Variants in PTPRD observed in about 807,000 individuals in gnomAD.
PTPRD encodes protein tyrosine phosphatase receptor type D.
Under a neutral mutation model 214.5 loss-of-function variants are expected in PTPRD, and 34 were observed. The observed-to-expected ratio is 0.16, with a 90% CI of 0.12 to 0.21. The LOEUF (loss-of-function observed/expected upper bound fraction) is 0.21, where lower values mean the gene tolerates loss of function less well. Among genes scored for constraint, PTPRD ranks in the 10% least tolerant of loss-of-function variants. The probability of loss-of-function intolerance (pLI) is 1.00; values close to 1 mark genes in which losing one functional copy is unlikely to be tolerated. For missense variants in PTPRD, 2,545 were observed against 2,398.7 expected, an observed-to-expected ratio of 1.06 and a Z score of -1.27; for synonymous variants, 1,128 against 845.7, an observed-to-expected ratio of 1.33 and a Z score of -5.79.
intron 9 of PTPRD, among the ~76,000 whole-genome samples, chr9:9,301,116 C>G (rs12380457): frequency 0.13 from 20,302 of 151,678 alleles, 1,737 homozygotes; most frequent in Non-Finnish European, 0.19. Flanking sequence ...GATTAATTAA[C>G]CTTTTATTAT....
intron 9 of PTPRD, among the ~76,000 whole-genome samples, chr9:9,204,789 T>C (rs1340382230): frequency 6.6e-6 from 1 of 152,204 alleles, no homozygotes; most frequent in Non-Finnish European, 1.5e-5. Context: ...GCTAATATTA[T>C]ATTGTATATT....
At chr9:9,824,365 T>C (rs1052035141) in intron 5 of PTPRD, among the ~76,000 whole-genome samples, 10 of 152,038 alleles carry the variant, frequency 6.6e-5, no homozygotes, top group African/African-American at 1.9e-4. Context: ...GAATTTGACA[T>C]AGCACAGTAT....
intron 7 of PTPRD, among the ~76,000 whole-genome samples, chr9:9,675,188 G>C (rs1347289249): frequency 6.6e-6 from 1 of 151,890 alleles, no homozygotes; most frequent in East Asian, 1.9e-4. Flanking sequence ...ATACTCCAAA[G>C]TATCTCATGT....
chr9:9,441,635 A>G (rs1240774064), intron 8 of PTPRD, among the ~76,000 whole-genome samples: 2 of 152,200 alleles, frequency 1.3e-5, no homozygotes, highest in Non-Finnish European at 2.9e-5. Flanking sequence ...CAGGCTATCA[A>G]TATAACATGT....
chr9:9,398,343 T>A (rs996749379), intron 8 of PTPRD, among the ~76,000 whole-genome samples: 1 of 152,130 alleles, frequency 6.6e-6, no homozygotes. Context: ...CATATTGGTG[T>A]TTATGCCTTA....
At chr9:9,354,921 A>C (rs1353626316) in intron 9 of PTPRD, among the ~76,000 whole-genome samples, 3 of 151,116 alleles carry the variant, frequency 2.0e-5, no homozygotes, top group Admixed American at 6.6e-5. Context: ...TGGCATTTTC[A>C]ATGAATAGCA....
intron 2 of PTPRD, among the ~76,000 whole-genome samples, chr9:10,405,386 G>C (rs1013050965): frequency 2.6e-5 from 4 of 151,548 alleles, no homozygotes; most frequent in African/African-American, 4.8e-5. Context: ...CTGTTAACAA[G>C]AAAAGTAAAC....
chr9:8,485,523 A>ATCC (rs2096981741), intron 28 of PTPRD, 199 bp from the exon 29 acceptor site: 1 of 620,438 alleles, frequency 1.6e-6, no homozygotes, highest in Non-Finnish European at 2.8e-6. Context: ...CAATTCAGCC[A>ATCC]ACTCTATTGT....
chr9:9,144,855 A>G (rs1186478364), intron 10 of PTPRD, among the ~76,000 whole-genome samples: 3 of 152,218 alleles, frequency 2.0e-5, no homozygotes, highest in Non-Finnish European at 4.4e-5. Context: ...CAAAAGCAAT[A>G]TTGTTATTAA....
At chr9:10,106,923 A>C (rs2098639043) in intron 3 of PTPRD, among the ~76,000 whole-genome samples, 1 of 151,850 alleles carries the variant, frequency 6.6e-6, no homozygotes, top group Non-Finnish European at 1.5e-5. Context: ...TAAGGGGAAA[A>C]ATTTTAGTAG....
intron 3 of PTPRD, among the ~76,000 whole-genome samples, chr9:10,046,980 G>A (rs1025861156): frequency 8.6e-5 from 13 of 151,948 alleles, no homozygotes; most frequent in African/African-American, 2.9e-4. Context: ...AATATGCATG[G>A]AAATTGTATA....
chr9:9,523,323 TATGAAAAATCAC>T (rs767581916), intron 8 of PTPRD, among the ~76,000 whole-genome samples: 26 of 152,254 alleles, frequency 1.7e-4, no homozygotes, highest in Non-Finnish European at 2.6e-4. Context: ...TACCACTACA[TATGAAAAATCAC>T]ATTTGCTAAA....
In PTPRD at chr9:8,389,291, T is replaced by A. The variant is rs1419881473; in HGVS notation, c.4327A>T (p.Ile1443Leu). The change falls in exon 37 of 46, where the codon ATA (isoleucine) becomes TTA (leucine). Residue 1443 changes from isoleucine to leucine, a missense_variant. Transcript: ENST00000381196. ...ACTGTGGCACTCCGTTGTTCCCATA[T>A]CATTCTCCAAAAGTCCCCAAATGTT... ...PETFGDFWRM[I>L]WEQRSATVVM... is the part of the protein sequence containing the mutation. 1.9e-6 allele frequency: 3 copies of A among 1,613,100 alleles called. No homozygotes were observed. The highest frequency in any genetic ancestry group is 3.3e-5 in the Admixed American group (2 of 59,948).
chr9:9,226,956 A>C (rs1018855201), intron 9 of PTPRD, among the ~76,000 whole-genome samples: 1 of 152,164 alleles, frequency 6.6e-6, no homozygotes, highest in Non-Finnish European at 1.5e-5. Flanking sequence ...GGAGGACTTT[A>C]ATTCACAACC....
chr9:10,442,357 A>G (rs2098765219), intron 2 of PTPRD, among the ~76,000 whole-genome samples: 1 of 151,724 alleles, frequency 6.6e-6, no homozygotes. Flanking sequence ...TTGCTAATTT[A>G]CTTGATTAGT....
rs567695925 is a variant in PTPRD at position 8,869,304 on chromosome 9, A to G, written c.-103-135358T>C. 1.2e-4 allele frequency among the ~76,000 whole-genome samples: 19 copies of G among 152,320 alleles called. No homozygotes were observed. In the Middle Eastern group the frequency reaches 0.01, roughly 82 times the overall value. ...AAGAATAGAAAACTATCAATTTACA[A>G]CTAGGACACATGGATTTCTCCAAGA... On this transcript the variant is annotated intron_variant, in intron 11 of 45. Coordinates refer to ENST00000381196, the MANE Select transcript of PTPRD (RefSeq NM_002839.4).
At chr9:9,688,406 T>C (rs189487374) in intron 7 of PTPRD, among the ~76,000 whole-genome samples, 1 of 152,010 alleles carries the variant, frequency 6.6e-6, no homozygotes, top group East Asian at 1.9e-4. Flanking sequence ...GAATTTCCTT[T>C]GGACCTTGCA....
intron 35 of PTPRD, among the ~76,000 whole-genome samples, chr9:8,428,761 T>C (rs374478102): frequency 6.6e-6 from 1 of 152,342 alleles, no homozygotes; most frequent in South Asian, 2.1e-4. Context: ...AGCTTACACA[T>C]AAATTATAAA....
At chr9:9,117,526 C>T (rs1259134350) in intron 10 of PTPRD, among the ~76,000 whole-genome samples, 7 of 152,084 alleles carry the variant, frequency 4.6e-5, no homozygotes, top group Non-Finnish European at 8.8e-5. Context: ...TTTGGACACT[C>T]CAAATGTAAA....
Sources: allele counts gnomAD v4.1 joint callset (sites outside exome capture counted in the v4.1 genomes callset), GRCh38; gene constraint gnomAD v4.1.1; transcripts MANE v1.5; gene names NCBI Gene and HGNC (gene_info 2026-07-23, HGNC 2026-07-21).